The following CSMD1 variants were observed in gnomAD, a reference collection of about 807,000 sequenced individuals.
The protein encoded by CSMD1 is CUB and Sushi multiple domains 1.
Under a neutral mutation model 417.5 loss-of-function variants are expected in CSMD1, and 213 were observed. That is an observed-to-expected ratio of 0.51 (90% confidence interval 0.46 to 0.57). The LOEUF is 0.57. CSMD1 is among the 20% of genes least tolerant of loss of function. CSMD1 has a pLI of 0.00. For synonymous variants in CSMD1, 2,862 were observed against 1,736.8 expected (o/e 1.65, Z -16.11); for missense variants, 6,923 against 4,529.7 (o/e 1.53, Z -15.17).
intron 7 of CSMD1, among the ~76,000 whole-genome samples, chr8:3,644,076 T>C (rs554529223): frequency 5.9e-4 from 90 of 152,326 alleles, no homozygotes; most frequent in African/African-American, 2.0e-3. Context: ...TTTAAGAAAG[T>C]GCTCCAGGGC....
At chr8:4,000,371 C>G (rs962108403) in intron 4 of CSMD1, among the ~76,000 whole-genome samples, 2 of 152,366 alleles carry the variant, frequency 1.3e-5, no homozygotes, top group Admixed American at 6.5e-5. Flanking sequence ...CATACATATA[C>G]AGTTCCCTGT....
At chr8:4,005,347 C>A (rs1472762788) in intron 4 of CSMD1, among the ~76,000 whole-genome samples, 1 of 152,080 alleles carries the variant, frequency 6.6e-6, no homozygotes, top group East Asian at 1.9e-4. Flanking sequence ...TTGCAGAAAA[C>A]GTAATGCAGG....
At chr8:3,381,226 T>G (rs930052269) in intron 18 of CSMD1, among the ~76,000 whole-genome samples, 1 of 151,800 alleles carries the variant, frequency 6.6e-6, no homozygotes, top group Non-Finnish European at 1.5e-5. Context: ...TAAAACAACT[T>G]GACAAGCCCC....
intron 2 of CSMD1, among the ~76,000 whole-genome samples, chr8:4,602,553 T>A (rs1298813699): frequency 6.6e-6 from 1 of 152,220 alleles, no homozygotes. Context: ...TTATAGTCAT[T>A]GAGACAAGAT....
intron 7 of CSMD1, among the ~76,000 whole-genome samples, chr8:3,626,831 A>C (rs1221528459): frequency 6.7e-6 from 1 of 149,696 alleles, no homozygotes; most frequent in Non-Finnish European, 1.5e-5. Flanking sequence ...TTATATATCA[A>C]AGTAAATATA....
chr8:4,721,314 G>A (rs772061917), intron 1 of CSMD1, among the ~76,000 whole-genome samples: 6 of 152,134 alleles, frequency 3.9e-5, no homozygotes, highest in Non-Finnish European at 8.8e-5. Context: ...TTTTGTAGTT[G>A]GTGGGTTTGA....
chr8:3,833,019 G>C (rs1285320111), intron 5 of CSMD1, among the ~76,000 whole-genome samples: 3 of 152,128 alleles, frequency 2.0e-5, no homozygotes, highest in East Asian at 1.9e-4. Flanking sequence ...CAGCTGCTAA[G>C]TTGATACTAT....
At chr8:4,934,093 C>G (rs139017536) in intron 1 of CSMD1, among the ~76,000 whole-genome samples, 2 of 151,998 alleles carry the variant, frequency 1.3e-5, no homozygotes, top group South Asian at 4.1e-4. Context: ...AACTTTGAGG[C>G]GGCAGCCGTG....
intron 7 of CSMD1, among the ~76,000 whole-genome samples, chr8:3,684,400 A>G (rs147402996): frequency 1.3e-5 from 2 of 148,710 alleles, no homozygotes; most frequent in African/African-American, 4.9e-5. Context: ...ATATAAGTAC[A>G]TATATACAAA....
chr8:4,820,177 A>G (rs1203706811), intron 1 of CSMD1, among the ~76,000 whole-genome samples: 1 of 152,122 alleles, frequency 6.6e-6, no homozygotes, highest in Non-Finnish European at 1.5e-5. Flanking sequence ...AACAAGCTGC[A>G]TTTAGGCAGC....
chr8:4,292,520 G>C (rs906614265), intron 3 of CSMD1, among the ~76,000 whole-genome samples: 1 of 152,104 alleles, frequency 6.6e-6, no homozygotes, highest in African/African-American at 2.4e-5. Flanking sequence ...CCCGAGTGCT[G>C]GGATTACAGC....
intron 7 of CSMD1, among the ~76,000 whole-genome samples, chr8:3,631,258 C>A (rs1330278771): frequency 3.9e-5 from 6 of 152,214 alleles, no homozygotes; most frequent in Admixed American, 3.9e-4. Flanking sequence ...CCTTCGTCGA[C>A]TCAGCACCCT....
intron 41 of CSMD1, among the ~76,000 whole-genome samples, chr8:3,133,726 G>A (rs553917169): frequency 2.6e-5 from 4 of 152,278 alleles, no homozygotes; most frequent in South Asian, 2.1e-4. Flanking sequence ...CCTCTCGCTG[G>A]CTCAGGACCT....
At chr8:3,990,648 A>G (rs1814672139) in intron 5 of CSMD1, among the ~76,000 whole-genome samples, 1 of 152,208 alleles carries the variant, frequency 6.6e-6, no homozygotes, top group Non-Finnish European at 1.5e-5. Context: ...AACCCGAATT[A>G]AAGGATTGCT....
chr8:4,971,530 T>G (rs1469282024), intron 1 of CSMD1, among the ~76,000 whole-genome samples: 1 of 152,032 alleles, frequency 6.6e-6, no homozygotes, highest in Non-Finnish European at 1.5e-5. Context: ...TATTTTTATC[T>G]GACATAATTT....
rs578241906 is a variant in CSMD1 at position 4,508,806 on chromosome 8, C to G, written c.303-88741G>C. Among the ~76,000 whole-genome samples, 14 of 152,204 alleles carry G rather than the reference C, an allele frequency of 9.2e-5. No individual in the cohort carries two copies. The South Asian group carries it at 2.7e-3, about 29-fold the overall frequency. ...GTCAAAACAGCCAGTCATAATATGT[C>G]TACTATTTAAAAATATTAAATTTTA... is the stretch of plus-strand genomic sequence containing the variant. On this transcript the variant is annotated intron_variant, in intron 2 of 69. Transcript: ENST00000635120.
intron 3 of CSMD1, among the ~76,000 whole-genome samples, chr8:4,293,274 T>C (rs915654239): frequency 1.3e-5 from 2 of 152,084 alleles, no homozygotes; most frequent in Admixed American, 6.5e-5. Context: ...ACAAGGAAGC[T>C]TGAAGCAGCA....
At chr8:3,176,841 C>G (rs560577698) in intron 37 of CSMD1, among the ~76,000 whole-genome samples, 1 of 150,652 alleles carries the variant, frequency 6.6e-6, no homozygotes, top group Non-Finnish European at 1.5e-5. Flanking sequence ...TGCAGTGGTG[C>G]AATCATGGCT....
chr8:4,608,441 G>T (rs1467852927), intron 2 of CSMD1, among the ~76,000 whole-genome samples: 2 of 152,212 alleles, frequency 1.3e-5, no homozygotes, highest in African/African-American at 4.8e-5. Context: ...GACATGATTT[G>T]CCAGTGGATT....
Sources: gnomAD v4.1 joint callset for allele counts (sites outside exome capture counted in the v4.1 genomes callset) on GRCh38, gnomAD v4.1.1 for gene constraint, MANE v1.5 for transcripts, NCBI Gene and HGNC (gene_info 2026-07-23, HGNC 2026-07-21) for gene names.